GPHN: variants seen among roughly 807,000 people sequenced by gnomAD.
GPHN encodes the protein gephyrin.
GPHN carries 17 observed loss-of-function variants against 95.5 expected under a neutral mutation model. That is an observed-to-expected ratio of 0.18 (90% CI 0.12 to 0.27). GPHN has a LOEUF of 0.27. Among genes scored for constraint, GPHN ranks in the 10% least tolerant of loss-of-function variants. GPHN has a pLI of 1.00. For missense variants in GPHN, 660 were observed against 978.1 expected (o/e 0.67, Z 4.34); for synonymous variants, 320 against 322.5 (o/e 0.99, Z 0.08).
At chr14:67,130,892 G>A (rs1018196747) in intron 17 of GPHN, among the ~76,000 whole-genome samples, 1 of 152,148 alleles carries the variant, frequency 6.6e-6, no homozygotes, top group African/African-American at 2.4e-5. Flanking sequence ...ATGTTCATAT[G>A]TTTGTTGGCT....
At chr14:67,201,531 G>C in the GPHN span, 1 of 455,964 alleles carries the variant, frequency 2.2e-6, no homozygotes, top group Non-Finnish European at 4.4e-6. Context: ...TGGTGGCTCT[G>C]AGAAACGTTT....
the GPHN span, among the ~76,000 whole-genome samples, chr14:67,409,122 A>G: frequency 6.6e-6 from 1 of 152,116 alleles, no homozygotes; most frequent in African/African-American, 2.4e-5. Context: ...ATGTACCTGT[A>G]GTCCCAGCTA....
rs184963596 is a variant in GPHN, at chr14:66,591,187, G to A, written c.64+82596G>A. Among the ~76,000 whole-genome samples, 535 of 152,050 alleles carry A rather than the reference G, an allele frequency of 3.5e-3. 4 individuals are homozygous for A. The highest frequency in any genetic ancestry group is 0.014 in the Middle Eastern group (4 of 294). On this transcript the variant is annotated intron_variant, in intron 1 of 22. Transcript: ENST00000478722. ...AATAAGTGCTATTTATGACAAACCC[G>A]CAGCCAATATAATACTGAATGGGCA...
chr14:66,929,861 G>A (rs1484282939), intron 8 of GPHN, among the ~76,000 whole-genome samples: 3 of 151,986 alleles, frequency 2.0e-5, no homozygotes, highest in Admixed American at 6.5e-5. Context: ...ACAGGCGCCC[G>A]CCACCACGCC....
At chr14:66,778,962 T>C (rs1210420875) in intron 3 of GPHN, among the ~76,000 whole-genome samples, 1 of 151,980 alleles carries the variant, frequency 6.6e-6, no homozygotes, top group African/African-American at 2.4e-5. Context: ...CAGGCTGGTC[T>C]TGAACCCCTG....
chr14:66,816,626 C>T (rs1370587037), intron 3 of GPHN, among the ~76,000 whole-genome samples: 1 of 152,068 alleles, frequency 6.6e-6, no homozygotes, highest in Non-Finnish European at 1.5e-5. Flanking sequence ...ATACAACATA[C>T]CAGAATCTCT....
intron 1 of GPHN, among the ~76,000 whole-genome samples, chr14:66,627,954 G>C (rs2063585364): frequency 6.6e-6 from 1 of 151,968 alleles, no homozygotes; most frequent in African/African-American, 2.4e-5. Context: ...CATTTGGTTA[G>C]GTTTATTTTG....
intron 4 of GPHN, among the ~76,000 whole-genome samples, chr14:66,847,756 G>T (rs2062395957): frequency 6.6e-6 from 1 of 152,046 alleles, no homozygotes; most frequent in African/African-American, 2.4e-5. Flanking sequence ...ATAAAATGAA[G>T]TGAAACTTTT....
At chr14:66,772,517 G>A (rs1285619669) in intron 2 of GPHN, among the ~76,000 whole-genome samples, 1 of 152,182 alleles carries the variant, frequency 6.6e-6, no homozygotes, top group African/African-American at 2.4e-5. Context: ...AGCCTTAAAA[G>A]CAGAGAGAAG....
At chr14:66,804,348 T>C (rs1282745269) in intron 3 of GPHN, among the ~76,000 whole-genome samples, 1 of 152,210 alleles carries the variant, frequency 6.6e-6, no homozygotes, top group African/African-American at 2.4e-5. Flanking sequence ...GCAAATACTT[T>C]GACAGGAAAT....
chr14:67,302,402 AT>A, the GPHN span: 5 of 1,517,566 alleles, frequency 3.3e-6, no homozygotes, highest in South Asian at 1.3e-5. Context: ...ACATATATAT[AT>A]TTTTAGGGTG....
At chr14:66,620,274 C>A (rs182326234) in intron 1 of GPHN, among the ~76,000 whole-genome samples, 2 of 152,270 alleles carry the variant, frequency 1.3e-5, no homozygotes, top group Admixed American at 1.3e-4. Context: ...AATGAGGATA[C>A]AGGCCTTTAG....
the GPHN span, among the ~76,000 whole-genome samples, chr14:67,254,951 C>CT: frequency 6.6e-6 from 1 of 152,284 alleles, no homozygotes; most frequent in East Asian, 1.9e-4. Context: ...GAGATTGAGA[C>CT]CATCCTAGCC....
chr14:67,275,127 A>T, the GPHN span, among the ~76,000 whole-genome samples: 1 of 152,326 alleles, frequency 6.6e-6, no homozygotes, highest in Middle Eastern at 3.4e-3. Context: ...CTCCTGCCCG[A>T]TTGCCTTGGC....
chr14:66,625,025 G>A (rs1335299061), intron 1 of GPHN, among the ~76,000 whole-genome samples: 1 of 152,176 alleles, frequency 6.6e-6, no homozygotes, highest in Non-Finnish European at 1.5e-5. Context: ...ATGGAATCAA[G>A]CTGCTGGTCA....
At position 67,181,464 on chromosome 14, in the gene GPHN, G is replaced by C; in HGVS notation, c.*527G>C. The C allele has an allele frequency of 1.9e-6, 1 of 519,320 alleles. No individual in the cohort carries two copies. Among genetic ancestry groups the C allele is most frequent in the Non-Finnish European group, 3.8e-6 (1 of 266,078 alleles). The allele number at this position is 519,320 out of a possible 1,614,324, so 32.2% of individuals were successfully genotyped here. On this transcript the variant is annotated 3_prime_UTR_variant, in exon 23 of 23. Transcript: ENST00000478722. ...GGGTGGAGGCTCTGCCTTGCCTCAA[G>C]AACCATCCCCTGCAGAGCATCCAGG... is the stretch of plus-strand genomic sequence containing the variant.
chr14:67,653,428 A>G, the GPHN span: 1 of 1,613,176 alleles, frequency 6.2e-7, no homozygotes, highest in Admixed American at 1.7e-5. Flanking sequence ...TGACTTTAAT[A>G]AAACTTACTT....
the GPHN span, chr14:67,317,527 T>C: frequency 7.6e-7 from 1 of 1,316,658 alleles, no homozygotes; most frequent in Admixed American, 1.9e-5. Flanking sequence ...GAAAGGAGTC[T>C]AAACCTAGTC....
chr14:67,349,568 C>A, the GPHN span, among the ~76,000 whole-genome samples: 1 of 152,198 alleles, frequency 6.6e-6, no homozygotes, highest in Non-Finnish European at 1.5e-5. Flanking sequence ...GGTGCGATAG[C>A]TCACGCCTGT....
Sources: gnomAD v4.1 joint callset for allele counts (sites outside exome capture counted in the v4.1 genomes callset) on GRCh38, gnomAD v4.1.1 for gene constraint, MANE v1.5 for transcripts, NCBI Gene and HGNC (gene_info 2026-07-23, HGNC 2026-07-21) for gene names.